FLNB: variants seen among roughly 807,000 people sequenced by gnomAD.
FLNB encodes the protein filamin-B.
FLNB carries 111 observed loss-of-function variants against 250.6 expected under a neutral mutation model. The ratio of observed to expected loss-of-function variants is 0.44; its 90% CI spans 0.38 to 0.52. The LOEUF is 0.52. Among genes scored for constraint, FLNB ranks in the 20% least tolerant of loss-of-function variants. The pLI is 0.00. For synonymous variants in FLNB, 1,302 were observed against 1,372.1 expected, an observed-to-expected ratio of 0.95 and a Z score of 1.13; for missense variants, 2,869 against 3,447.8, an observed-to-expected ratio of 0.83 and a Z score of 4.20.
chr3:58,102,383 T>C (rs758574876), intron 9 of FLNB, 43 bp downstream of exon 9: 2 of 1,609,676 alleles, frequency 1.2e-6, no homozygotes, highest in South Asian at 1.1e-5. Context: ...TGGTTTTGGC[T>C]AACTTTGCAG....
intron 18 of FLNB, among the ~76,000 whole-genome samples, chr3:58,116,656 G>A (rs1489993555): frequency 1.3e-5 from 2 of 152,184 alleles, no homozygotes. Context: ...TTGTTGGCTT[G>A]GGGCTTGAGG....
chr3:58,096,292 G>C, intron 6 of FLNB, 74 bp downstream of exon 6: 2 of 1,062,340 alleles, frequency 1.9e-6, no homozygotes, highest in Non-Finnish European at 2.9e-6. Flanking sequence ...AGGAAGAAGA[G>C]TGTTTTTCTT....
chr3:58,120,353 C>G (rs2097286486), intron 19 of FLNB, among the ~76,000 whole-genome samples: 1 of 152,238 alleles, frequency 6.6e-6, no homozygotes, highest in Non-Finnish European at 1.5e-5. Context: ...TTAGGAAAGC[C>G]TCTTTTCCGG....
chr3:58,060,352 C>CTTT (rs138957329), intron 1 of FLNB, among the ~76,000 whole-genome samples: 5 of 136,090 alleles, frequency 3.7e-5, no homozygotes, highest in African/African-American at 1.4e-4. Context: ...CCCTGTCTCT[C>CTTT]TTTTTTTTTT....
At chr3:58,166,986 G>C (rs2097371763) in intron 43 of FLNB, among the ~76,000 whole-genome samples, 1 of 152,106 alleles carries the variant, frequency 6.6e-6, no homozygotes, top group Non-Finnish European at 1.5e-5. Context: ...AAATTAGCTG[G>C]GCATGGTGGC....
Position 58,126,674 on chromosome 3 carries a change from C to A in FLNB, c.4134C>A (p.Asn1378Lys). 1 of 1,613,584 alleles carries A rather than the reference C, an allele frequency of 6.2e-7. No homozygotes were observed. The highest frequency in any genetic ancestry group is 8.5e-7 in the Non-Finnish European group (1 of 1,179,550). Reference protein sequence around the residue: ...PSESKINCRDNKDGSCSAEYI... With the variant: ...PSESKINCRDKKDGSCSAEYI... ...AGTCGAAGATAAATTGCAGAGACAACAAGGATGGCAGCTGCAGTGCTGAGT... is the reference window on the plus strand; with the variant it reads ...AGTCGAAGATAAATTGCAGAGACAAAAAGGATGGCAGCTGCAGTGCTGAGT... Residue 1378 changes from asparagine (N) to lysine (K), a missense_variant, in exon 24 of 46, where the codon AAC (asparagine) becomes AAA (lysine). Physicochemically the swap from Asn to Lys is moderately conservative, Grantham distance 94. Coordinates refer to ENST00000295956, the MANE Select transcript of FLNB (RefSeq NM_001457.4).
intron 18 of FLNB, among the ~76,000 whole-genome samples, chr3:58,112,664 T>TAC (rs908336554): frequency 2.6e-5 from 4 of 151,886 alleles, no homozygotes; most frequent in African/African-American, 7.2e-5. Flanking sequence ...CACACACACA[T>TAC]ACACACACAC....
chr3:58,024,379 G>C (rs2097119614), intron 1 of FLNB, among the ~76,000 whole-genome samples: 1 of 152,178 alleles, frequency 6.6e-6, no homozygotes, highest in Non-Finnish European at 1.5e-5. Flanking sequence ...CTTGGAGGTG[G>C]TGGTGGGGGC....
intron 43 of FLNB, among the ~76,000 whole-genome samples, chr3:58,167,276 A>C (rs1194246435): frequency 6.6e-6 from 1 of 152,184 alleles, no homozygotes; most frequent in Non-Finnish European, 1.5e-5. Flanking sequence ...TCTTGGCTGC[A>C]CAGATTAGAT....
chr3:58,144,896 T>C (rs939765114), intron 32 of FLNB, among the ~76,000 whole-genome samples: 2 of 152,256 alleles, frequency 1.3e-5, no homozygotes, highest in African/African-American at 4.8e-5. Context: ...TGTATTTCTT[T>C]TTCTGTGAAC....
At position 58,168,637 on chromosome 3, in the gene FLNB, C is replaced by G. The variant is rs758545170; in HGVS notation, c.7396C>G (p.Pro2466Ala). The G allele has an allele frequency of 6.2e-7, 1 of 1,613,676 alleles. No homozygotes were observed. The highest frequency in any genetic ancestry group is 1.1e-5 in the South Asian group (1 of 91,046). Residue 2466 changes from proline to alanine, a missense_variant, in exon 44 of 46, where the codon CCC becomes GCC. By Grantham distance (27) the Pro-to-Ala change is conservative. This residue lies in a region of FLNB where 1,084 missense variants were observed against 1,315.5 expected (regional missense o/e 0.82). Coordinates refer to ENST00000295956, the MANE Select transcript of FLNB (RefSeq NM_001457.4). ...TGGGCCCAACCACATCGTGGGCAGT[C>G]CCTTCAAGGCCAAGGTGACAGGTAA... Reference protein sequence around the residue: ...YGGPNHIVGSPFKAKVTGQRL... With the variant: ...YGGPNHIVGSAFKAKVTGQRL...
At chr3:58,119,503 G>A (rs2097284804) in intron 19 of FLNB, among the ~76,000 whole-genome samples, 2 of 152,096 alleles carry the variant, frequency 1.3e-5, no homozygotes, top group East Asian at 1.9e-4. Context: ...CCTTTAGCTT[G>A]TTAGGGATTT....
chr3:58,156,081 A>G lies in FLNB; in HGVS notation c.6888+6A>G. On this transcript the variant is annotated splice_donor_region_variant and intron_variant, in intron 41 of 45. Coordinates refer to ENST00000295956, the MANE Select transcript of FLNB (RefSeq NM_001457.4). ...TCACTGTTATGAGCCTTCAGGTGAG[A>G]TGCAAGGAAGCATCCATCTCCTTGG... The G allele has an allele frequency of 6.2e-7, 1 of 1,609,152 alleles. No homozygotes were observed. Among genetic ancestry groups the G allele is most frequent in the Non-Finnish European group, 8.5e-7 (1 of 1,175,498 alleles).
chr3:58,158,399 G>T (rs764368618), intron 41 of FLNB, among the ~76,000 whole-genome samples: 9 of 152,186 alleles, frequency 5.9e-5, no homozygotes, highest in Non-Finnish European at 8.8e-5. Flanking sequence ...TACCAAATTA[G>T]CCAGTGCAGC....
At chr3:58,079,899 G>C (rs919932178) in intron 3 of FLNB, among the ~76,000 whole-genome samples, 7 of 152,130 alleles carry the variant, frequency 4.6e-5, no homozygotes, top group South Asian at 2.1e-4. Flanking sequence ...TTTGTAACAG[G>C]GTCCCTTGGA....
rs1181693786 is a variant in FLNB, at chr3:58,102,236, G to A, written c.1379G>A (p.Arg460Gln). 4.3e-6 allele frequency: 7 copies of A among 1,614,210 alleles called. No individual in the cohort carries two copies. Among genetic ancestry groups the A allele is most frequent in the Non-Finnish European group, 5.9e-6 (7 of 1,180,030 alleles). The change falls in exon 9 of 46, where the codon CGA (arginine) becomes CAA (glutamine). Residue 460 changes from arginine (R) to glutamine (Q), a missense_variant. Arg to Gln is a conservative substitution (Grantham distance 43). Around this residue, in one of 5 missense-constraint regions of FLNB, gnomAD observed 1,348 missense variants for 1,466.7 expected, o/e 0.92. Transcript: ENST00000295956. ...CCAAATGCCTGCCGGGCCAGTGGCCGAGGCCTACAACCCAAAGGCGTCCGT... is the reference window on the plus strand; with the variant it reads ...CCAAATGCCTGCCGGGCCAGTGGCCAAGGCCTACAACCCAAAGGCGTCCGT... ...CNPNACRASG[R>Q]GLQPKGVRIR...
chr3:58,101,296 A>G (rs2097250878), intron 8 of FLNB, among the ~76,000 whole-genome samples: 1 of 152,204 alleles, frequency 6.6e-6, no homozygotes, highest in Admixed American at 6.5e-5. Flanking sequence ...GAGATTTGTC[A>G]AATTTTCAGT....
intron 45 of FLNB, 133 bp from the exon 46 acceptor site, chr3:58,170,442 T>C (rs2097380385): frequency 1.0e-5 from 8 of 787,784 alleles, no homozygotes; most frequent in Admixed American, 4.1e-5. Flanking sequence ...CTGCTTGTAA[T>C]TGCCACGCTC....
intron 34 of FLNB, 57 bp downstream of exon 34, chr3:58,147,050 G>T: frequency 1.3e-6 from 2 of 1,568,190 alleles, no homozygotes. Flanking sequence ...GCCTCTGACT[G>T]CCACCCTCCT....
Sources: gnomAD v4.1 joint callset for allele counts (sites outside exome capture counted in the v4.1 genomes callset) on GRCh38, gnomAD v4.1.1 for gene constraint, gnomAD v4.1.1 regional missense constraint, MANE v1.5 for transcripts, NCBI Gene and HGNC (gene_info 2026-07-23, HGNC 2026-07-21) for gene names.